The following EEA1 variants were observed in gnomAD, a reference collection of about 807,000 sequenced individuals.
The protein encoded by EEA1 is early endosome antigen 1, 162kD.
Under a neutral mutation model 209.2 loss-of-function variants are expected in EEA1, and 111 were observed. The ratio of observed to expected loss-of-function variants is 0.53; its 90% CI spans 0.45 to 0.62. EEA1 has a LOEUF of 0.62. Ranked by LOEUF, EEA1 falls within the 20% of genes least tolerant of loss-of-function variation. EEA1 has a pLI of 0.00. For missense variants in EEA1, 1,343 were observed against 1,530.8 expected (o/e 0.88, Z 2.05); for synonymous variants, 536 against 540.6 (o/e 0.99, Z 0.12).
At chr12:92,881,390 AGAGT>A (rs1382508631) in intron 2 of EEA1, among the ~76,000 whole-genome samples, 1 of 152,064 alleles carries the variant, frequency 6.6e-6, no homozygotes, top group Non-Finnish European at 1.5e-5. Flanking sequence ...CCTGGGCAAC[AGAGT>A]GAGATGGAGA....
chr12:92,815,951 G>T (rs11833034), intron 15 of EEA1, among the ~76,000 whole-genome samples: 5 of 151,422 alleles, frequency 3.3e-5, no homozygotes, highest in African/African-American at 1.2e-4. Context: ...GAGACAGAGA[G>T]AGAGAGGGAG....
rs1379949811 is a variant in EEA1 at position 92,773,655 on chromosome 12, AACTG to A, written c.*2352_*2355del. The A allele has an allele frequency of 1.3e-5, 2 of 151,732 alleles. No individual in the cohort carries two copies. The highest frequency in any genetic ancestry group is 3.0e-5 in the Non-Finnish European group (2 of 67,670). 9.4% of individuals were successfully genotyped at this position (151,732 alleles called of 1,614,324 possible). A position where few individuals can be genotyped will look rare whatever the true frequency, so the allele number is the denominator to read the frequency against. Reference sequence around the variant, plus strand: ...GCCAAGAGCTGTACATGCCAGCTTTAACTGACTGACAAAATAATAGTACCAGCAA... The same window carrying A: ...GCCAAGAGCTGTACATGCCAGCTTTAACTGACAAAATAATAGTACCAGCAA... On this transcript the variant is annotated 3_prime_UTR_variant, in exon 29 of 29. Coordinates refer to ENST00000322349, the MANE Select transcript of EEA1 (RefSeq NM_003566.4).
chr12:92,787,958 T>C lies in EEA1; in HGVS notation c.3059A>G (p.Asn1020Ser). 6.2e-7 allele frequency: 1 copy of C among 1,613,432 alleles called. No homozygotes were observed. Among genetic ancestry groups the C allele is most frequent in the Non-Finnish European group, 8.5e-7 (1 of 1,179,674 alleles). Residue 1020 changes from asparagine to serine, a missense_variant, in exon 22 of 29, where the codon AAC becomes AGC. Asn to Ser is a conservative substitution (Grantham distance 46, BLOSUM62 1). Transcript: ENST00000322349. Reference protein sequence around the residue: ...EKEKISVLQNNYEKSQETFKQ... With the variant: ...EKEKISVLQNSYEKSQETFKQ... ...GAAAGTTTCCTGACTTTTTTCATAG[T>C]TGTTTTGTAATACTGATATTTTCTC...
At position 92,779,186 on chromosome 12, in the gene EEA1, T is replaced by G. The variant is rs756347563; in HGVS notation, c.3583A>C (p.Ile1195Leu). Residue 1195 changes from isoleucine (I) to leucine (L), a missense_variant, in exon 25 of 29, where the codon ATA (isoleucine) becomes CTA (leucine). Coordinates refer to ENST00000322349, the MANE Select transcript of EEA1 (RefSeq NM_003566.4). The stretch of plus-strand genomic sequence containing the variant: ...TCCTTTTTCACCTGGTCTTTTAGTA[T>G]CTGCTGATTTCTCTTCTCCTGTTCA... ...AVEQEKRNQQ[I>L]LKDQVKKEEE... 1.9e-6 allele frequency: 3 copies of G among 1,611,776 alleles called. No homozygotes were observed. The highest frequency in any genetic ancestry group is 2.2e-5 in the South Asian group (2 of 90,492).
In EEA1 at chr12:92,775,389, TAAAAC is replaced by T. The variant is rs1039357617; in HGVS notation, c.*617_*621del. 6.6e-6 allele frequency: 1 copy of T among 151,816 alleles called. No individual in the cohort carries two copies. The highest frequency in any genetic ancestry group is 1.5e-5 in the Non-Finnish European group (1 of 67,770). 9.4% of individuals were successfully genotyped at this position (151,816 alleles called of 1,614,324 possible). Reference sequence around the variant, plus strand: ...CCCAAGAAAATTTAATTAATATTGTTAAAACAAAAACCATTTTTGAATTCATATTA... The same window carrying T: ...CCCAAGAAAATTTAATTAATATTGTTAAAAACCATTTTTGAATTCATATTA... On this transcript the variant is annotated 3_prime_UTR_variant, in exon 29 of 29. Coordinates refer to ENST00000322349, the MANE Select transcript of EEA1 (RefSeq NM_003566.4).
At position 92,780,461 on chromosome 12, in the gene EEA1, T is replaced by C. The variant is rs184714485; in HGVS notation, c.3337-50A>G. 59 of 1,246,322 alleles carry C rather than the reference T, an allele frequency of 4.7e-5. No individual in the cohort carries two copies. In the East Asian group the frequency reaches 1.4e-3, roughly 29 times the overall value. 77.2% of individuals were successfully genotyped at this position (1,246,322 alleles called of 1,614,324 possible). On this transcript the variant is annotated intron_variant, in intron 23 of 28. Transcript: ENST00000322349. Reference sequence around the variant, plus strand: ...AATTATTTTAAAGCAAATACTTAAATGAAAATGGGTGTAATAAAAATGACT... The same window carrying C: ...AATTATTTTAAAGCAAATACTTAAACGAAAATGGGTGTAATAAAAATGACT...
chr12:92,928,144 A>G (rs920245473), intron 1 of EEA1, among the ~76,000 whole-genome samples: 1 of 150,910 alleles, frequency 6.6e-6, no homozygotes, highest in Non-Finnish European at 1.5e-5. Flanking sequence ...CCTCAAAAAG[A>G]AAAGAAAAAA....
In EEA1 at chr12:92,802,753, A is replaced by T. The variant is rs1874989726; in HGVS notation, c.2340-19T>A. The stretch of plus-strand genomic sequence containing the variant: ...GGATACTCTAAATATTTAAAAAACA[A>T]TCTTTTTAAATAACACATAATTTAC... On this transcript the variant is annotated intron_variant, in intron 18 of 28. Coordinates refer to ENST00000322349, the MANE Select transcript of EEA1 (RefSeq NM_003566.4). 1 of 1,473,822 alleles carries T rather than the reference A, an allele frequency of 6.8e-7. No homozygotes were observed. The highest frequency in any genetic ancestry group is 1.5e-5 in the African/African-American group (1 of 68,394). 91.3% of individuals were successfully genotyped at this position (1,473,822 alleles called of 1,614,324 possible).
chr12:92,785,043 AC>A (rs1426553909), intron 22 of EEA1, among the ~76,000 whole-genome samples: 1 of 150,630 alleles, frequency 6.6e-6, no homozygotes, highest in Non-Finnish European at 1.5e-5. Flanking sequence ...AAAAAAAAAA[AC>A]TTCATATTTT....
At chr12:92,806,893 A>G (rs1396055357) in intron 18 of EEA1, among the ~76,000 whole-genome samples, 3 of 152,190 alleles carry the variant, frequency 2.0e-5, no homozygotes, top group Non-Finnish European at 4.4e-5. Context: ...GATACAGGAA[A>G]AAAGGTGATA....
chr12:92,793,730 C>T (rs1478584211), intron 21 of EEA1, among the ~76,000 whole-genome samples: 1 of 152,158 alleles, frequency 6.6e-6, no homozygotes, highest in Non-Finnish European at 1.5e-5. Context: ...AGATTCAATG[C>T]CATCACCATC....
chr12:92,859,081 GT>G, intron 3 of EEA1: 1 of 824,712 alleles, frequency 1.2e-6, no homozygotes, highest in South Asian at 1.5e-5. Flanking sequence ...ATCTATCTCT[GT>G]TTTCCATTAT....
At chr12:92,859,292 T>C in intron 3 of EEA1, 3 of 1,538,832 alleles carry the variant, frequency 1.9e-6, no homozygotes, top group Non-Finnish European at 2.7e-6. Context: ...TCATCTTTTT[T>C]CCCCATACTT....
intron 2 of EEA1, among the ~76,000 whole-genome samples, chr12:92,887,554 C>T (rs1342997082): frequency 6.6e-6 from 1 of 151,908 alleles, no homozygotes; most frequent in Admixed American, 6.6e-5. Context: ...CTACTGGAGA[C>T]GTCAGATTGG....
chr12:92,861,585 A>G (rs948426272), intron 3 of EEA1, among the ~76,000 whole-genome samples: 2 of 152,228 alleles, frequency 1.3e-5, no homozygotes, highest in African/African-American at 4.8e-5. Context: ...TAAGTATGCA[A>G]AACATGAGAA....
intron 21 of EEA1, among the ~76,000 whole-genome samples, chr12:92,797,087 T>G (rs938066613): frequency 6.6e-6 from 1 of 152,184 alleles, no homozygotes; most frequent in Non-Finnish European, 1.5e-5. Context: ...GTTTTGGTTT[T>G]GTTTTGTTTT....
At chr12:92,895,133 ATTTTTTTTTTTTTTTTTTTTTTT>A (rs537064468) in intron 1 of EEA1, among the ~76,000 whole-genome samples, 1 of 95,086 alleles carries the variant, frequency 1.1e-5, no homozygotes, top group Non-Finnish European at 2.0e-5. Context: ...GGATCACTGA[ATTTTTTTTTTTTTTTTTTTTTTT>A]TTTTTTTTTT....
At chr12:92,808,285 G>T (rs1209133736) in intron 18 of EEA1, among the ~76,000 whole-genome samples, 8 of 152,102 alleles carry the variant, frequency 5.3e-5, no homozygotes, top group African/African-American at 1.9e-4. Context: ...GTCCTATATG[G>T]TGCTGTGGCT....
chr12:92,918,973 C>T (rs559084069), intron 1 of EEA1, among the ~76,000 whole-genome samples: 17,571 of 111,220 alleles, frequency 0.16, 489 homozygotes, highest in Non-Finnish European at 0.2. Flanking sequence ...AACACCTCTA[C>T]GCAAATAAAC....
Sources: allele counts gnomAD v4.1 joint callset (sites outside exome capture counted in the v4.1 genomes callset), GRCh38; gene constraint gnomAD v4.1.1; transcripts MANE v1.5; gene names NCBI Gene and HGNC (gene_info 2026-07-23, HGNC 2026-07-21).